Variants in ATRNL1 observed in about 807,000 individuals in gnomAD.
The protein encoded by ATRNL1 is attractin like 1.
In ATRNL1, 95 loss-of-function variants were observed where a neutral mutation model predicts 182.7. The ratio of observed to expected loss-of-function variants is 0.52; its 90% confidence interval spans 0.44 to 0.62. ATRNL1 has a LOEUF of 0.62. Ranked by LOEUF, ATRNL1 falls within the 20% of genes least tolerant of loss-of-function variation. ATRNL1 has a pLI of 0.00. For synonymous variants in ATRNL1, 576 were observed against 568.3 expected (o/e 1.01, Z -0.19); for missense variants, 1,471 against 1,679.5 (o/e 0.88, Z 2.17).
chr10:115,877,035 T>A (rs2620952), intron 28 of ATRNL1, among the ~76,000 whole-genome samples: 295 of 152,262 alleles, frequency 1.9e-3, no homozygotes, highest in Non-Finnish European at 3.4e-3. Context: ...ACTTTTGTGC[T>A]TTATAAGCAA....
At chr10:115,652,690 G>A (rs1194854653) in intron 26 of ATRNL1, among the ~76,000 whole-genome samples, 2 of 151,960 alleles carry the variant, frequency 1.3e-5, no homozygotes, top group African/African-American at 4.8e-5. Flanking sequence ...ATCAGAATGA[G>A]TGCATACCAT....
At chr10:115,188,816 A>G (rs1330104914) in intron 8 of ATRNL1, among the ~76,000 whole-genome samples, 1 of 152,140 alleles carries the variant, frequency 6.6e-6, no homozygotes, top group Non-Finnish European at 1.5e-5. Context: ...AAATAGATCC[A>G]TAAAACAGAT....
intron 27 of ATRNL1, among the ~76,000 whole-genome samples, chr10:115,765,235 T>C (rs1948828971): frequency 6.6e-6 from 1 of 152,186 alleles, no homozygotes; most frequent in Admixed American, 6.5e-5. Context: ...CTTAGTTTTG[T>C]ACTGCCAAAC....
intron 26 of ATRNL1, among the ~76,000 whole-genome samples, chr10:115,707,028 C>T (rs1273344795): frequency 6.6e-6 from 1 of 151,704 alleles, no homozygotes; most frequent in Non-Finnish European, 1.5e-5. Flanking sequence ...ATTTTAATTA[C>T]TTATATACAG....
intron 1 of ATRNL1, among the ~76,000 whole-genome samples, chr10:115,100,313 A>G (rs1057022277): frequency 1.4e-5 from 2 of 146,674 alleles, no homozygotes; most frequent in African/African-American, 2.5e-5. Context: ...AATAAAAAAT[A>G]AAAAAAAAAA....
chr10:115,502,397 C>T (rs1554980297), intron 24 of ATRNL1, among the ~76,000 whole-genome samples: 2 of 151,946 alleles, frequency 1.3e-5, no homozygotes, highest in Non-Finnish European at 2.9e-5. Flanking sequence ...CTTGATATAG[C>T]AGGTTATTGT....
intron 8 of ATRNL1, among the ~76,000 whole-genome samples, chr10:115,204,219 A>T (rs1848712540): frequency 6.6e-6 from 1 of 151,940 alleles, no homozygotes; most frequent in Admixed American, 6.6e-5. Context: ...AGTTTTTTAC[A>T]TATAACATCA....
chr10:115,800,498 T>A (rs1236388913), intron 27 of ATRNL1, among the ~76,000 whole-genome samples: 2 of 152,044 alleles, frequency 1.3e-5, no homozygotes, highest in Non-Finnish European at 2.9e-5. Flanking sequence ...TATGTTACCA[T>A]CTGTTTTTTT....
In ATRNL1 at chr10:115,267,003, C is replaced by G; in HGVS notation, c.1979C>G (p.Thr660Arg). 1 of 1,593,902 alleles carries G rather than the reference C, an allele frequency of 6.3e-7. No individual in the cohort carries two copies. The highest frequency in any genetic ancestry group is 8.6e-7 in the Non-Finnish European group (1 of 1,166,860). The change falls in exon 12 of 29, where the codon ACA (threonine) becomes AGA (arginine). Residue 660 changes from threonine (T) to arginine (R), a missense_variant and splice_region_variant. Thr to Arg is a moderately conservative substitution (Grantham distance 71, BLOSUM62 -1). Coordinates refer to ENST00000355044, the MANE Select transcript of ATRNL1 (RefSeq NM_207303.4). ...CTTAGAGCAAAGTGCCCTCCTAAAA[C>G]AGGTAAATTTCTTTTTCTTTTCGTC... is the stretch of plus-strand genomic sequence containing the variant. ...NILRAKCPPK[T>R]AASDDRCYRY...
chr10:115,459,830 C>T (rs909781163), intron 21 of ATRNL1, among the ~76,000 whole-genome samples: 2 of 152,094 alleles, frequency 1.3e-5, no homozygotes, highest in Non-Finnish European at 2.9e-5. Flanking sequence ...ATCCTACCAA[C>T]GTGTGATGTC....
chr10:115,179,774 G>A (rs207471452), intron 8 of ATRNL1, among the ~76,000 whole-genome samples: 10 of 151,952 alleles, frequency 6.6e-5, no homozygotes, highest in Non-Finnish European at 1.5e-4. Context: ...GAATAGCATG[G>A]AATTAGGTCC....
At chr10:115,890,865 GAGA>G (rs1486791972) in intron 28 of ATRNL1, among the ~76,000 whole-genome samples, 5 of 152,208 alleles carry the variant, frequency 3.3e-5, no homozygotes, top group African/African-American at 1.2e-4. Context: ...GGTTTCTGAT[GAGA>G]AGAATATTCA....
intron 28 of ATRNL1, among the ~76,000 whole-genome samples, chr10:115,933,372 T>C (rs530536038): frequency 7.9e-6 from 1 of 127,048 alleles, no homozygotes; most frequent in South Asian, 2.1e-4. Flanking sequence ...TAGAAGCATG[T>C]CCAGTCCTTC....
At chr10:115,237,929 G>A (rs1405429664) in intron 9 of ATRNL1, among the ~76,000 whole-genome samples, 2 of 152,184 alleles carry the variant, frequency 1.3e-5, no homozygotes, top group Admixed American at 6.5e-5. Flanking sequence ...TCTGTATCTA[G>A]ATGATTATTT....
At chr10:115,171,550 AT>A (rs1847295389) in intron 8 of ATRNL1, among the ~76,000 whole-genome samples, 1 of 152,044 alleles carries the variant, frequency 6.6e-6, no homozygotes, top group South Asian at 2.1e-4. Context: ...TTTTAAAAAA[AT>A]ATGTGAAATT....
At chr10:115,811,970 A>C (rs1265992490) in intron 27 of ATRNL1, among the ~76,000 whole-genome samples, 1 of 152,136 alleles carries the variant, frequency 6.6e-6, no homozygotes, top group Non-Finnish European at 1.5e-5. Flanking sequence ...AACTTTGTGT[A>C]TATACCTATT....
intron 20 of ATRNL1, among the ~76,000 whole-genome samples, chr10:115,399,950 A>G (rs1464421516): frequency 6.6e-6 from 1 of 152,084 alleles, no homozygotes; most frequent in Non-Finnish European, 1.5e-5. Context: ...GGATCTAATT[A>G]AAGAGCTTCT....
intron 26 of ATRNL1, among the ~76,000 whole-genome samples, chr10:115,650,369 T>G (rs528261964): frequency 2.9e-4 from 32 of 110,400 alleles, no homozygotes; most frequent in African/African-American, 8.7e-4. Flanking sequence ...TATCTTATAT[T>G]GTTTATCTGA....
intron 5 of ATRNL1, among the ~76,000 whole-genome samples, chr10:115,140,195 C>T (rs572270193): frequency 7.2e-5 from 11 of 152,216 alleles, no homozygotes; most frequent in South Asian, 4.1e-4. Context: ...TTGTCCATAC[C>T]GTGGCTGCCT....
Sources: gnomAD v4.1 joint callset for allele counts (sites outside exome capture counted in the v4.1 genomes callset) on GRCh38, gnomAD v4.1.1 for gene constraint, MANE v1.5 for transcripts, NCBI Gene and HGNC (gene_info 2026-07-23, HGNC 2026-07-21) for gene names.